Variants in NCOA5 observed in about 807,000 individuals in gnomAD.
The protein encoded by NCOA5 is NCoA-5.
NCOA5 carries 12 observed loss-of-function variants against 59.0 expected under a neutral mutation model. The ratio of observed to expected loss-of-function variants is 0.20; its 90% confidence interval spans 0.13 to 0.33. NCOA5 has a LOEUF of 0.33. Among genes scored for constraint, NCOA5 ranks in the 10% least tolerant of loss-of-function variants. The pLI is 1.00. For missense variants in NCOA5, 655 were observed against 766.6 expected, an observed-to-expected ratio of 0.85 and a Z score of 1.72; for synonymous variants, 270 against 275.5, an observed-to-expected ratio of 0.98 and a Z score of 0.20.
chr20:46,082,023 ATTTT>A (rs946578409), intron 1 of NCOA5, among the ~76,000 whole-genome samples: 1 of 151,902 alleles, frequency 6.6e-6, no homozygotes, highest in African/African-American at 2.4e-5. Context: ...CCCTCATCCT[ATTTT>A]TTTTGTCACA....
intron 4 of NCOA5, among the ~76,000 whole-genome samples, chr20:46,067,500 T>C (rs1367617426): frequency 6.6e-6 from 1 of 152,172 alleles, no homozygotes; most frequent in Admixed American, 6.5e-5. Context: ...AGTACTGTCA[T>C]TCTTTTTAAG....
chr20:46,076,651 G>A (rs571542352), intron 2 of NCOA5, among the ~76,000 whole-genome samples: 1 of 151,724 alleles, frequency 6.6e-6, no homozygotes, highest in South Asian at 2.1e-4. Flanking sequence ...ATTCTTCCCT[G>A]AAGCAAATAA....
chr20:46,070,603 T>C lies in NCOA5; in HGVS notation c.39-67A>G, dbSNP rs1033119284. 2.7e-6 allele frequency: 4 copies of C among 1,484,826 alleles called. No individual in the cohort carries two copies. In the African/African-American group the frequency reaches 5.6e-5, roughly 21 times the overall value. 92.0% of individuals were successfully genotyped at this position (1,484,826 alleles called of 1,614,324 possible). A position where few individuals can be genotyped will look rare whatever the true frequency, so the allele number is the denominator to read the frequency against. ...AAGTAGCCAACCCATCAGCTCTTCA[T>C]ATGAGAAAACCCCCACCCTCCAAGC... On this transcript the variant is annotated intron_variant, in intron 2 of 7. Transcript: ENST00000290231.
At position 46,072,327 on chromosome 20, in the gene NCOA5, T is replaced by A. The variant is rs1430448262; in HGVS notation, c.39-1791A>T. Among the ~76,000 whole-genome samples the A allele has an allele frequency of 2.0e-5, 3 of 152,142 alleles. No homozygotes were observed. The East Asian group carries it at 5.8e-4, about 29-fold the overall frequency. ...CCCTTCCCTGGTTTCCCACAGTATG[T>A]ATTTATTTTTATAGGGATGAGATCT... On this transcript the variant is annotated intron_variant, in intron 2 of 7. Coordinates refer to ENST00000290231, the MANE Select transcript of NCOA5 (RefSeq NM_020967.3).
intron 1 of NCOA5, among the ~76,000 whole-genome samples, chr20:46,081,347 T>G (rs1439394804): frequency 1.3e-5 from 2 of 152,124 alleles, no homozygotes; most frequent in Non-Finnish European, 2.9e-5. Flanking sequence ...AATATTACAC[T>G]GTATAATTAT....
intron 1 of NCOA5, among the ~76,000 whole-genome samples, chr20:46,085,403 G>A (rs2085035552): frequency 6.6e-6 from 1 of 152,082 alleles, no homozygotes; most frequent in African/African-American, 2.4e-5. Flanking sequence ...GTGGGATTAT[G>A]GCAGAGATAA....
At chr20:46,089,547 C>A (rs963758689) in intron 1 of NCOA5, among the ~76,000 whole-genome samples, 3 of 152,174 alleles carry the variant, frequency 2.0e-5, no homozygotes, top group African/African-American at 7.2e-5. Context: ...CACAGACAGG[C>A]GGCTGCGATG....
intron 2 of NCOA5, among the ~76,000 whole-genome samples, chr20:46,076,854 TGAGG>T (rs2084943368): frequency 1.3e-5 from 2 of 152,202 alleles, no homozygotes; most frequent in South Asian, 4.1e-4. Flanking sequence ...AATTGATTTC[TGAGG>T]AAGGTGATAT....
rs143638505 is a variant in NCOA5, at chr20:46,062,721, T to C, written c.1319A>G (p.Asn440Ser). ...ELQAKILSLF[N>S]SGTVTANSSS... ...GCTATTGGCCGTCACTGTGCCACTA[T>C]TGAAGAGGCTGAGGATTTTGGCCTG... The change falls in exon 8 of 8, where the codon AAT (asparagine) becomes AGT (serine). Residue 440 changes from asparagine (N) to serine (S), a missense_variant. Around this residue, in one of 3 missense-constraint regions of NCOA5, gnomAD observed 325 missense variants for 353.2 expected, o/e 0.92. Transcript: ENST00000290231. 95 of 1,613,868 alleles carry C rather than the reference T, an allele frequency of 5.9e-5. No homozygotes were observed. Among genetic ancestry groups the C allele is most frequent in the South Asian group, 4.4e-4 (40 of 91,058 alleles).
chr20:46,063,201 CATT>C, intron 7 of NCOA5, 156 bp downstream of exon 7: 1 of 683,742 alleles, frequency 1.5e-6, no homozygotes, highest in Non-Finnish European at 2.4e-6. Flanking sequence ...TTATTATTAA[CATT>C]ATATCAGCAT....
chr20:46,065,171 C>T lies in NCOA5; in HGVS notation c.687G>A (p.Leu229=), dbSNP rs749046730. The T allele has an allele frequency of 6.2e-7, 1 of 1,614,170 alleles. No homozygotes were observed. The highest frequency in any genetic ancestry group is 8.5e-7 in the Non-Finnish European group (1 of 1,180,016). The change falls in exon 6 of 8, where the codon TTG becomes TTA. Residue 229 remains leucine, a synonymous_variant. Coordinates refer to ENST00000290231, the MANE Select transcript of NCOA5 (RefSeq NM_020967.3). ...GTGACACTTCTGTGTTAAGGAAGAT[C>T]AAGTCCACTACCATGCCCAGGTCTC... ...KVRDLGMVVD[L]IFLNTEVSLS...
At chr20:46,089,598 C>T (rs567717853) in intron 1 of NCOA5, among the ~76,000 whole-genome samples, 1 of 152,198 alleles carries the variant, frequency 6.6e-6, no homozygotes, top group Admixed American at 6.5e-5. Flanking sequence ...AACCGTAGGC[C>T]GCCTCGGCCG....
rs762200014 is a variant in NCOA5 at position 46,079,368 on chromosome 20, C to T, written c.38+19G>A. On this transcript the variant is annotated intron_variant, in intron 2 of 7. Transcript: ENST00000290231. ...AGCCCAACTCTCCCAAGGTAACTCACGGCTTCAGGGTACTTTACCTTCGTG... is the reference window on the plus strand; with the variant it reads ...AGCCCAACTCTCCCAAGGTAACTCATGGCTTCAGGGTACTTTACCTTCGTG... 1.2e-5 allele frequency: 20 copies of T among 1,613,620 alleles called. No individual in the cohort carries two copies. The highest frequency in any genetic ancestry group is 5.0e-5 in the Admixed American group (3 of 60,002).
chr20:46,063,556 A>G lies in NCOA5; in HGVS notation c.954T>C (p.Asp318=), dbSNP rs146621078. Residue 318 remains aspartate (D), a synonymous_variant, in exon 7 of 8, where the codon GAT becomes GAC. Coordinates refer to ENST00000290231, the MANE Select transcript of NCOA5 (RefSeq NM_020967.3). ...TCTCTCTTTCCTGCAGGATGGCTTCATCGGCCATCTTGGCTGCCTGTCTGG... is the reference window on the plus strand; with the variant it reads ...TCTCTCTTTCCTGCAGGATGGCTTCGTCGGCCATCTTGGCTGCCTGTCTGG... ...EIARQAAKMA[D]EAILQERERG... is the part of the protein sequence containing the mutation. 1.5e-5 allele frequency: 25 copies of G among 1,613,992 alleles called. No individual in the cohort carries two copies. Among genetic ancestry groups the G allele is most frequent in the Non-Finnish European group, 2.1e-5 (25 of 1,180,030 alleles).
chr20:46,066,295 A>C (rs2084822899), intron 5 of NCOA5, among the ~76,000 whole-genome samples: 2 of 152,220 alleles, frequency 1.3e-5, no homozygotes, highest in Non-Finnish European at 2.9e-5. Flanking sequence ...ACAATGCTAT[A>C]AGCCCTAGCT....
intron 1 of NCOA5, among the ~76,000 whole-genome samples, chr20:46,079,844 T>C (rs2084973209): frequency 6.6e-6 from 1 of 151,898 alleles, no homozygotes; most frequent in Admixed American, 6.6e-5. Flanking sequence ...ATAAGGAGAG[T>C]TTAAAAAACA....
intron 2 of NCOA5, among the ~76,000 whole-genome samples, chr20:46,073,153 G>C (rs772105149): frequency 1.3e-5 from 2 of 152,190 alleles, no homozygotes; most frequent in South Asian, 4.1e-4. Flanking sequence ...CTCAAGAGCA[G>C]GCAGCATGTT....
chr20:46,086,545 T>A (rs1284141844), intron 1 of NCOA5, among the ~76,000 whole-genome samples: 1 of 152,246 alleles, frequency 6.6e-6, no homozygotes, highest in Non-Finnish European at 1.5e-5. Context: ...ATCCTGTCAT[T>A]AATGACTCTC....
intron 2 of NCOA5, among the ~76,000 whole-genome samples, chr20:46,073,892 G>C (rs186361365): frequency 6.6e-6 from 1 of 152,250 alleles, no homozygotes; most frequent in Admixed American, 6.5e-5. Flanking sequence ...CAGTCTGAGA[G>C]GGCAAGCCCC....
Sources: allele counts gnomAD v4.1 joint callset (sites outside exome capture counted in the v4.1 genomes callset), GRCh38; gene constraint gnomAD v4.1.1; regional missense constraint gnomAD v4.1.1; transcripts MANE v1.5; gene names NCBI Gene and HGNC (gene_info 2026-07-23, HGNC 2026-07-21).